DIPK1B: variants seen among roughly 807,000 people sequenced by gnomAD.
DIPK1B encodes family with sequence similarity 69 member B.
A neutral mutation model predicts 20.7 loss-of-function variants in DIPK1B; 17 were observed. The ratio of observed to expected loss-of-function variants is 0.82; its 90% CI spans 0.56 to 1.23. The LOEUF (loss-of-function observed/expected upper bound fraction) is 1.23. DIPK1B is among the 50% of genes most tolerant of loss of function. DIPK1B has a pLI of 0.00. For synonymous variants in DIPK1B, 343 were observed against 276.5 expected (o/e 1.24, Z -2.39); for missense variants, 648 against 601.8 (o/e 1.08, Z -0.80).
chr9:136,721,413 A>C, intron 2 of DIPK1B: 1 of 158,538 alleles, frequency 6.3e-6, no homozygotes, highest in Non-Finnish European at 1.4e-5. Context: ...GCCATGAGTC[A>C]GGGGGTGCAT....
At chr9:136,717,947 A>G (rs575780414) in intron 2 of DIPK1B, among the ~76,000 whole-genome samples, 4 of 45,310 alleles carry the variant, frequency 8.8e-5, no homozygotes, top group African/African-American at 2.7e-4. Flanking sequence ...GGGGGTCCAG[A>G]GGAGGATGGG....
chr9:136,721,347 C>T (rs1422569195), intron 2 of DIPK1B: 1 of 153,618 alleles, frequency 6.5e-6, no homozygotes, highest in African/African-American at 2.4e-5. Flanking sequence ...CCAGTCAGCA[C>T]CATCATAGGA....
Position 136,712,747 on chromosome 9 carries a change from C to T in DIPK1B, c.63+19C>T, listed in dbSNP as rs910151083. ...CCTGCAGGTAAGCGCGGTGCGCGCC[C>T]GCCGCCCCCGGCCGCCTCTGCCTGG... On this transcript the variant is annotated intron_variant, in intron 1 of 4. Coordinates refer to ENST00000371692, the MANE Select transcript of DIPK1B (RefSeq NM_152421.4). The surrounding 1 kb of genome is among the most constrained non-coding windows in gnomAD (Gnocchi z 5.6). 2.3e-5 allele frequency: 31 copies of T among 1,331,624 alleles called. No homozygotes were observed. In the African/African-American group the frequency reaches 4.3e-4, roughly 19 times the overall value. The allele number at this position is 1,331,624 out of a possible 1,614,324, so 82.5% of individuals were successfully genotyped here. A position where few individuals can be genotyped will look rare whatever the true frequency, so the allele number is the denominator to read the frequency against.
At chr9:136,716,628 T>G (rs552151041) in intron 1 of DIPK1B, among the ~76,000 whole-genome samples, 1 of 151,952 alleles carries the variant, frequency 6.6e-6, no homozygotes, top group African/African-American at 2.4e-5. Context: ...CTCAAACTCC[T>G]GGGCTCAAGC....
At chr9:136,722,559 G>C in intron 4 of DIPK1B, 1 of 581,518 alleles carries the variant, frequency 1.7e-6, no homozygotes, top group Non-Finnish European at 3.1e-6. Context: ...AGGGCCGTGT[G>C]TCCAGCAGGG....
chr9:136,722,762 G>A (rs963587883), intron 4 of DIPK1B, 200 bp from the exon 5 acceptor site: 5 of 633,532 alleles, frequency 7.9e-6, no homozygotes, highest in African/African-American at 1.9e-5. Context: ...TCTGGCAGCA[G>A]CCACACAGGC....
Position 136,723,592 on chromosome 9 carries a change from C to A in DIPK1B, c.1114C>A (p.Leu372Met). Residue 372 changes from leucine (L) to methionine (M), a missense_variant, in exon 5 of 5, where the codon CTG becomes ATG. By Grantham distance (15) the Leu-to-Met change is conservative. Coordinates refer to ENST00000371692, the MANE Select transcript of DIPK1B (RefSeq NM_152421.4). ...GCCCAACCTGGCCAAGGTGTGCGCACTGCTACGGGGCTACCTGCTGCCTGG... is the reference window on the plus strand; with the variant it reads ...GCCCAACCTGGCCAAGGTGTGCGCAATGCTACGGGGCTACCTGCTGCCTGG... ...IQPNLAKVCA[L>M]LRGYLLPGAP... The A allele has an allele frequency of 6.3e-7, 1 of 1,594,228 alleles. No individual in the cohort carries two copies. The highest frequency in any genetic ancestry group is 8.5e-7 in the Non-Finnish European group (1 of 1,171,184).
intron 3 of DIPK1B, 47 bp from the exon 4 acceptor site, chr9:136,722,078 A>G: frequency 6.2e-7 from 1 of 1,613,368 alleles, no homozygotes. Flanking sequence ...CTGCCCGTGC[A>G]GTGGGAGGGG....
chr9:136,723,063 G>T lies in DIPK1B; in HGVS notation c.585G>T (p.Lys195Asn), dbSNP rs1415741966. The T allele has an allele frequency of 6.2e-7, 1 of 1,613,470 alleles. No homozygotes were observed. Among genetic ancestry groups the T allele is most frequent in the Non-Finnish European group, 8.5e-7 (1 of 1,180,042 alleles). Residue 195 changes from lysine to asparagine, a missense_variant, in exon 5 of 5, where the codon AAG becomes AAT. Lys to Asn is a moderately conservative substitution (Grantham distance 94). Coordinates refer to ENST00000371692, the MANE Select transcript of DIPK1B (RefSeq NM_152421.4). ...ACCGGGTGTCCCTGGCGGAAGCCAAGTCCGTGTGGGCCCTGCTGCAGCGTA... is the reference window on the plus strand; with the variant it reads ...ACCGGGTGTCCCTGGCGGAAGCCAATTCCGTGTGGGCCCTGCTGCAGCGTA... The part of the protein sequence containing the change: ...KDNRVSLAEA[K>N]SVWALLQRNE...
intron 1 of DIPK1B, among the ~76,000 whole-genome samples, chr9:136,714,042 C>T (rs948740259): frequency 6.6e-6 from 1 of 152,246 alleles, no homozygotes; most frequent in African/African-American, 2.4e-5. Context: ...CACCTCCACA[C>T]TCAAGCTTTG....
rs1846445224 is a variant in DIPK1B at position 136,712,803 on chromosome 9, G to A, written c.63+75G>A. ...CCGAGCTCCAGCCCCGGAGTGGGCC[G>A]AGTACGGAGCGGGGCCCCGGGTTCG... On this transcript the variant is annotated intron_variant, in intron 1 of 4. Coordinates refer to ENST00000371692, the MANE Select transcript of DIPK1B (RefSeq NM_152421.4). The surrounding 1 kb of genome is among the most constrained non-coding windows in gnomAD (Gnocchi z 5.6). The A allele has an allele frequency of 3.6e-6, 4 of 1,103,546 alleles. No individual in the cohort carries two copies. In the African/African-American group the frequency reaches 4.9e-5, roughly 14 times the overall value. 68.4% of individuals were successfully genotyped at this position (1,103,546 alleles called of 1,614,324 possible). A position where few individuals can be genotyped will look rare whatever the true frequency, so the allele number is the denominator to read the frequency against.
chr9:136,720,569 T>C (rs1846582885), intron 2 of DIPK1B, among the ~76,000 whole-genome samples: 1 of 152,078 alleles, frequency 6.6e-6, no homozygotes. Flanking sequence ...GGGTGGGGGC[T>C]GAGGAGGGGC....
chr9:136,719,476 C>G (rs1846556039), intron 2 of DIPK1B, among the ~76,000 whole-genome samples: 1 of 152,196 alleles, frequency 6.6e-6, no homozygotes. Context: ...CCAGCGCACA[C>G]AACGAGGCAG....
At chr9:136,718,121 G>T (rs191512092) in intron 2 of DIPK1B, among the ~76,000 whole-genome samples, 1 of 29,136 alleles carries the variant, frequency 3.4e-5, no homozygotes, top group African/African-American at 9.0e-5. Context: ...CCGTGTGCTG[G>T]CCTCACTGGT....
chr9:136,723,874 G>A lies in DIPK1B; in HGVS notation c.*100G>A. 1.6e-6 allele frequency: 2 copies of A among 1,244,308 alleles called. No individual in the cohort carries two copies. Among genetic ancestry groups the A allele is most frequent in the Non-Finnish European group, 2.2e-6 (2 of 911,530 alleles). 77.1% of individuals were successfully genotyped at this position (1,244,308 alleles called of 1,614,324 possible). On this transcript the variant is annotated 3_prime_UTR_variant, in exon 5 of 5. Coordinates refer to ENST00000371692, the MANE Select transcript of DIPK1B (RefSeq NM_152421.4). ...CTGTCAGAAGATGTGAAATGCAACT[G>A]TGTTGCAAAATCACTCCCCTACCGT...
rs775724609 is a variant in DIPK1B at position 136,717,686 on chromosome 9, G to A, written c.173G>A (p.Arg58His). The A allele has an allele frequency of 1.7e-5, 27 of 1,610,766 alleles. No homozygotes were observed. Among genetic ancestry groups the A allele is most frequent in the African/African-American group, 5.3e-5 (4 of 74,914 alleles). The stretch of plus-strand genomic sequence containing the variant: ...TACTCGTCCTACTCGGAGCGCTGTC[G>A]CGGCCATGTCTGCCAGGTGGTCATT... ...VHYSSYSERC[R>H]GHVCQVVICD... Residue 58 changes from arginine (R) to histidine (H), a missense_variant, in exon 2 of 5, where the codon CGC (arginine) becomes CAC (histidine). Coordinates refer to ENST00000371692, the MANE Select transcript of DIPK1B (RefSeq NM_152421.4).
intron 4 of DIPK1B, 103 bp downstream of exon 4, chr9:136,722,404 G>A: frequency 7.6e-7 from 1 of 1,308,282 alleles, no homozygotes; most frequent in Non-Finnish European, 1.1e-6. Context: ...GCACAGATGG[G>A]CCCAAGTGGA....
intron 4 of DIPK1B, 47 bp downstream of exon 4, chr9:136,722,348 C>A (rs916165667): frequency 6.3e-7 from 1 of 1,576,076 alleles, no homozygotes; most frequent in South Asian, 1.1e-5. Flanking sequence ...ACACCACGGT[C>A]ATATGCCCAG....
intron 2 of DIPK1B, among the ~76,000 whole-genome samples, chr9:136,719,669 C>T (rs1846560371): frequency 6.6e-6 from 1 of 152,240 alleles, no homozygotes. Context: ...GAAGCCTCTC[C>T]ACACTCTGCT....
Sources: allele counts gnomAD v4.1 joint callset (sites outside exome capture counted in the v4.1 genomes callset), GRCh38; gene constraint gnomAD v4.1.1; non-coding constraint Gnocchi (gnomAD v3.1); transcripts MANE v1.5; gene names NCBI Gene and HGNC (gene_info 2026-07-23, HGNC 2026-07-21).